Variants in NBEAL1 observed in about 807,000 individuals in gnomAD.
NBEAL1 encodes the protein neurobeachin like 1.
In NBEAL1, 273 loss-of-function variants were observed where a neutral mutation model predicts 351.3. The ratio of observed to expected loss-of-function variants is 0.78; its 90% CI spans 0.70 to 0.86. The LOEUF is 0.86. NBEAL1 is among the 40% of genes least tolerant of loss of function. The pLI is 0.00. For synonymous variants in NBEAL1, 1,050 were observed against 1,086.4 expected (o/e 0.97, Z 0.66); for missense variants, 2,961 against 3,201.3 (o/e 0.92, Z 1.81).
Position 203,183,250 on chromosome 2 carries a change from T to C in NBEAL1, c.6596-29T>C, listed in dbSNP as rs770153070. 1.3e-5 allele frequency: 16 copies of C among 1,187,376 alleles called. No individual in the cohort carries two copies. In the African/African-American group the frequency reaches 2.3e-4, roughly 17 times the overall value. 73.6% of individuals were successfully genotyped at this position (1,187,376 alleles called of 1,614,324 possible). On this transcript the variant is annotated intron_variant, in intron 43 of 55. Transcript: ENST00000683969. ...TTCGTTTATTATAATCTAAAATGAT[T>C]TGATACATTTTCTTTTTACATGTCT...
chr2:203,122,567 C>G (rs1443868241), intron 19 of NBEAL1, among the ~76,000 whole-genome samples: 2 of 152,192 alleles, frequency 1.3e-5, no homozygotes, highest in East Asian at 3.9e-4. Flanking sequence ...TACAGCAGGT[C>G]TTTGGATAAT....
chr2:203,168,688 G>C (rs766807398), intron 38 of NBEAL1, among the ~76,000 whole-genome samples: 5 of 152,066 alleles, frequency 3.3e-5, no homozygotes, highest in Non-Finnish European at 7.4e-5. Context: ...GAGGTCAAGA[G>C]TTTGAGACCA....
chr2:203,188,437 C>T, intron 44 of NBEAL1, 35 bp from the exon 45 acceptor site: 1 of 1,135,410 alleles, frequency 8.8e-7, no homozygotes, highest in Admixed American at 3.0e-5. Flanking sequence ...TGGAAGATAT[C>T]TCTATATTAA....
intron 42 of NBEAL1, among the ~76,000 whole-genome samples, chr2:203,178,649 C>T (rs1353774393): frequency 6.6e-6 from 1 of 151,966 alleles, no homozygotes; most frequent in Non-Finnish European, 1.5e-5. Context: ...ATGAAATAAG[C>T]CAGATACAAA....
At position 203,210,953 on chromosome 2, in the gene NBEAL1, T is replaced by C. The variant is rs758385769; in HGVS notation, c.7786-5T>C. 3 of 1,543,612 alleles carry C rather than the reference T, an allele frequency of 1.9e-6. No individual in the cohort carries two copies. In the South Asian group the frequency reaches 3.8e-5, roughly 19 times the overall value. On this transcript the variant is annotated splice_polypyrimidine_tract_variant and splice_region_variant and intron_variant, in intron 53 of 55. Coordinates refer to ENST00000683969, the MANE Select transcript of NBEAL1 (RefSeq NM_001378026.1). ...AATTGTTGAATTTTCCTTAATTCTT[T>C]TCAGGATAAGAATGCATTACATCTG...
intron 3 of NBEAL1, among the ~76,000 whole-genome samples, chr2:203,043,169 G>A (rs2061170382): frequency 1.3e-5 from 2 of 152,104 alleles, no homozygotes; most frequent in South Asian, 4.1e-4. Flanking sequence ...CTTAGAGGAG[G>A]TGAAGTGTTT....
chr2:203,016,923 A>G (rs2060690826), intron 2 of NBEAL1, among the ~76,000 whole-genome samples: 1 of 152,186 alleles, frequency 6.6e-6, no homozygotes, highest in African/African-American at 2.4e-5. Context: ...CCTTCTCACT[A>G]CAATACTGTG....
At chr2:203,176,257 C>G (rs150296233) in intron 42 of NBEAL1, among the ~76,000 whole-genome samples, 75 of 145,948 alleles carry the variant, frequency 5.1e-4, no homozygotes, top group African/African-American at 1.8e-3. Flanking sequence ...CACTGAGATG[C>G]GTGTGGTGTG....
chr2:203,192,385 ATTTTTT>A (rs753136759), intron 46 of NBEAL1, among the ~76,000 whole-genome samples: 1 of 144,722 alleles, frequency 6.9e-6, no homozygotes, highest in East Asian at 2.0e-4. Context: ...TTAAAAGATA[ATTTTTT>A]TTTTTTTTTT....
chr2:203,033,125 C>T (rs1208216295), intron 2 of NBEAL1, among the ~76,000 whole-genome samples: 4 of 152,032 alleles, frequency 2.6e-5, no homozygotes, highest in Admixed American at 1.3e-4. Context: ...CTCAGCCTCC[C>T]GAGTAGCTGG....
At chr2:203,017,692 G>C (rs948220097) in intron 2 of NBEAL1, among the ~76,000 whole-genome samples, 20 of 151,926 alleles carry the variant, frequency 1.3e-4, no homozygotes, top group African/African-American at 4.8e-4. Flanking sequence ...AATGATATTG[G>C]TGAATGGGGT....
At position 203,220,354 on chromosome 2, in the gene NBEAL1, G is replaced by A. The variant is rs1037887951; in HGVS notation, c.*3000G>A. ...CAAAAATTTGCTGGGCATGGTGGCA[G>A]GTGCCTGTAGTCCCAGCTACTCAGG... On this transcript the variant is annotated 3_prime_UTR_variant, in exon 56 of 56. Coordinates refer to ENST00000683969, the MANE Select transcript of NBEAL1 (RefSeq NM_001378026.1). 1.3e-5 allele frequency among the ~76,000 whole-genome samples: 2 copies of A among 151,950 alleles called. No homozygotes were observed. The highest frequency in any genetic ancestry group is 1.9e-4 in the East Asian group (1 of 5,168).
intron 31 of NBEAL1, 53 bp from the exon 32 acceptor site, chr2:203,144,547 C>A: frequency 1.3e-6 from 2 of 1,487,738 alleles, no homozygotes; most frequent in Non-Finnish European, 1.8e-6. Context: ...CTTGTGCTTT[C>A]ACTAAATGTT....
At position 203,144,885 on chromosome 2, in the gene NBEAL1, C is replaced by CAAGTTTACATTGAAAAATATGT; in HGVS notation, c.5141_5154+8dup. On this transcript the variant is annotated frameshift_variant, in exon 32 of 56. Transcript: ENST00000683969. LOFTEE classifies it high-confidence loss of function. The stretch of plus-strand genomic sequence containing the variant: ...AGAATATTGTAATTCAAATGAATGG[C>CAAGTTTACATTGAAAAATATGT]AAGTTTACATTGAAAAATATGTAAG... 2 of 1,594,628 alleles carry CAAGTTTACATTGAAAAATATGT rather than the reference C, an allele frequency of 1.3e-6. No homozygotes were observed. Among genetic ancestry groups the CAAGTTTACATTGAAAAATATGT allele is most frequent in the Non-Finnish European group, 1.7e-6 (2 of 1,172,654 alleles).
chr2:203,075,723 T>A (rs1249671474), intron 7 of NBEAL1, among the ~76,000 whole-genome samples: 1 of 152,250 alleles, frequency 6.6e-6, no homozygotes, highest in East Asian at 1.9e-4. Flanking sequence ...TTAGGGTTCC[T>A]CCTTTCCATG....
At chr2:203,081,735 G>T (rs373776155) in intron 8 of NBEAL1, among the ~76,000 whole-genome samples, 1 of 152,166 alleles carries the variant, frequency 6.6e-6, no homozygotes, top group Admixed American at 6.6e-5. Context: ...TGGCCATTAT[G>T]TTCACATTTG....
intron 2 of NBEAL1, among the ~76,000 whole-genome samples, chr2:203,016,673 A>G (rs1386697723): frequency 1.3e-5 from 2 of 152,180 alleles, no homozygotes. Context: ...CTTATCCCCA[A>G]ATGATCCTAA....
At chr2:203,071,871 A>G (rs990651428) in intron 7 of NBEAL1, among the ~76,000 whole-genome samples, 2 of 152,188 alleles carry the variant, frequency 1.3e-5, no homozygotes, top group Admixed American at 6.5e-5. Context: ...GGTAAATTCT[A>G]TTAGTCATTA....
chr2:203,216,036 A>G (rs1484082830), intron 55 of NBEAL1, among the ~76,000 whole-genome samples: 1 of 151,116 alleles, frequency 6.6e-6, no homozygotes, highest in Non-Finnish European at 1.5e-5. Context: ...AAACGGTGGA[A>G]TCACCATTAA....
Sources: allele counts gnomAD v4.1 joint callset (sites outside exome capture counted in the v4.1 genomes callset), GRCh38; gene constraint gnomAD v4.1.1; transcripts MANE v1.5; gene names NCBI Gene and HGNC (gene_info 2026-07-23, HGNC 2026-07-21).